Variants in CELSR1 observed in about 807,000 individuals in gnomAD.
CELSR1 encodes cadherin EGF LAG seven-pass G-type receptor 1.
A neutral mutation model predicts 249.1 loss-of-function variants in CELSR1; 110 were observed. The ratio of observed to expected loss-of-function variants is 0.44; its 90% CI spans 0.38 to 0.52. CELSR1 has a LOEUF of 0.52. Among genes scored for constraint, CELSR1 ranks in the 20% least tolerant of loss-of-function variants. CELSR1 has a pLI of 0.00. For missense variants in CELSR1, 4,109 were observed against 4,296.4 expected (o/e 0.96, Z 1.22); for synonymous variants, 2,113 against 1,900.0 (o/e 1.11, Z -2.92).
At chr22:46,502,522 G>C (rs2080477056) in intron 1 of CELSR1, among the ~76,000 whole-genome samples, 1 of 151,562 alleles carries the variant, frequency 6.6e-6, no homozygotes, top group Admixed American at 6.6e-5. Context: ...GGGAGGGAAA[G>C]ACGCAGAAAA....
At position 46,409,940 on chromosome 22, in the gene CELSR1, G is replaced by A. The variant is rs1377844363; in HGVS notation, c.4934-60C>T. The A allele has an allele frequency of 4.4e-6, 7 of 1,597,388 alleles. No homozygotes were observed. The highest frequency in any genetic ancestry group is 3.3e-5 in the South Asian group (3 of 90,612). On this transcript the variant is annotated intron_variant, in intron 7 of 34. Coordinates refer to ENST00000674500, the MANE Select transcript of CELSR1 (RefSeq NM_001378328.1). The surrounding 1 kb of genome is among the most constrained non-coding windows in gnomAD (Gnocchi z 9.8). ...GGAGGAACCGCCCGGGGTCCCCGGC[G>A]CCAGACGTGGCGTGGGAAACCAGGA...
intron 19 of CELSR1, among the ~76,000 whole-genome samples, 188 bp from the exon 20 acceptor site, chr22:46,384,874 C>G (rs1445767029): frequency 7.1e-6 from 1 of 140,236 alleles, no homozygotes; most frequent in East Asian, 1.9e-4. Context: ...ACTGCAACCT[C>G]CGCCTCCCAG....
intron 2 of CELSR1, among the ~76,000 whole-genome samples, chr22:46,444,432 C>A (rs1209360644): frequency 6.6e-6 from 1 of 152,222 alleles, no homozygotes; most frequent in Non-Finnish European, 1.5e-5. Flanking sequence ...GGCACCTCTG[C>A]AGGGACCAGA....
chr22:46,381,046 A>T lies in CELSR1; in HGVS notation c.7089-91T>A. The T allele has an allele frequency of 7.4e-7, 1 of 1,343,078 alleles. No homozygotes were observed. Among genetic ancestry groups the T allele is most frequent in the Non-Finnish European group, 1.0e-6 (1 of 970,406 alleles). The allele number at this position is 1,343,078 out of a possible 1,614,324, so 83.2% of individuals were successfully genotyped here. A position where few individuals can be genotyped will look rare whatever the true frequency, so the allele number is the denominator to read the frequency against. ...ACAAATGCCCTGAGGACACGCCATG[A>T]TGTGTTTCTAGGGGAGACAGAATCA... On this transcript the variant is annotated intron_variant, in intron 21 of 34. Coordinates refer to ENST00000674500, the MANE Select transcript of CELSR1 (RefSeq NM_001378328.1). The surrounding 1 kb of genome is among the most constrained non-coding windows in gnomAD (Gnocchi z 6.0).
At chr22:46,442,228 G>C (rs1490416196) in intron 2 of CELSR1, among the ~76,000 whole-genome samples, 1 of 152,268 alleles carries the variant, frequency 6.6e-6, no homozygotes, top group Non-Finnish European at 1.5e-5. Flanking sequence ...TTCCCCTCCA[G>C]GACGGGGCTC....
chr22:46,373,495 G>A (rs1331135802), intron 24 of CELSR1, among the ~76,000 whole-genome samples: 2 of 141,524 alleles, frequency 1.4e-5, no homozygotes, highest in African/African-American at 2.6e-5. Flanking sequence ...GGTGGGGGGG[G>A]CAGCTTCACG....
intron 5 of CELSR1, among the ~76,000 whole-genome samples, chr22:46,422,887 C>T (rs947923428): frequency 1.2e-4 from 18 of 152,170 alleles, no homozygotes; most frequent in African/African-American, 4.3e-4. Context: ...AACACGAAAT[C>T]CACCTCACTT....
rs747002409 is a variant in CELSR1 at position 46,533,940 on chromosome 22, C to T, written c.3231G>A (p.Thr1077=). 53 of 1,613,030 alleles carry T rather than the reference C, an allele frequency of 3.3e-5. No homozygotes were observed. In the East Asian group the frequency reaches 4.0e-4, roughly 12 times the overall value. The change falls in exon 1 of 35, where the codon ACG becomes ACA. Residue 1077 remains threonine (T), a synonymous_variant. Coordinates refer to ENST00000674500, the MANE Select transcript of CELSR1 (RefSeq NM_001378328.1). ...TGGCTCGGCTCACCAGCGGAGCCGA[C>T]GTGGCCTGCACCACCAGCACATACT... ...RREYVLVVQA[T]SAPLVSRATV... is the part of the protein sequence containing the mutation.
At chr22:46,524,625 G>A (rs949464678) in intron 1 of CELSR1, among the ~76,000 whole-genome samples, 6 of 151,930 alleles carry the variant, frequency 3.9e-5, no homozygotes, top group African/African-American at 1.5e-4. Context: ...CTTCATCCAG[G>A]ACAAGAGAAC....
chr22:46,377,479 G>A, intron 23 of CELSR1: 1 of 580,680 alleles, frequency 1.7e-6, no homozygotes, highest in Non-Finnish European at 3.1e-6. Context: ...CCTGGGGCCT[G>A]CGGCAGCACG....
chr22:46,533,794 C>T lies in CELSR1; in HGVS notation c.3377G>A (p.Cys1126Tyr), dbSNP rs774178984. 63 of 1,613,582 alleles carry T rather than the reference C, an allele frequency of 3.9e-5. 1 individual carries two copies. The East Asian group carries it at 1.3e-3, about 34-fold the overall frequency. Reference protein sequence around the residue: ...SNSFPTGVIGCIPAHDPDVSD... With the variant: ...SNSFPTGVIGYIPAHDPDVSD... The stretch of plus-strand genomic sequence containing the variant: ...CACGTCGGGGTCATGGGCCGGGATG[C>T]AGCCGATCACGCCGGTGGGGAAACT... The change falls in exon 1 of 35, where the codon TGC becomes TAC. Residue 1126 changes from cysteine to tyrosine, a missense_variant. Transcript: ENST00000674500.
At position 46,417,058 on chromosome 22, in the gene CELSR1, G is replaced by T. The variant is rs1381809658; in HGVS notation, c.4612-5299C>A. Among the ~76,000 whole-genome samples the T allele has an allele frequency of 1.3e-5, 2 of 152,148 alleles. No homozygotes were observed. The highest frequency in any genetic ancestry group is 4.8e-5 in the African/African-American group (2 of 41,422). ...ATGATTAACCAACGTTCATATCAAA[G>T]AATTCACAGATGGCTGGACCTCAGG... is the stretch of plus-strand genomic sequence containing the variant. On this transcript the variant is annotated intron_variant, in intron 5 of 34. Coordinates refer to ENST00000674500, the MANE Select transcript of CELSR1 (RefSeq NM_001378328.1). The surrounding 1 kb of genome is among the most constrained non-coding windows in gnomAD (Gnocchi z 4.1).
intron 20 of CELSR1, among the ~76,000 whole-genome samples, chr22:46,382,892 G>A (rs2078994369): frequency 6.6e-6 from 1 of 152,218 alleles, no homozygotes. Flanking sequence ...GGGCTGGGGA[G>A]GAGAGTTAGT....
Position 46,490,882 on chromosome 22 carries a change from G to A in CELSR1, c.3545-26537C>T, listed in dbSNP as rs1479953066. Among the ~76,000 whole-genome samples, 5 of 152,180 alleles carry A rather than the reference G, an allele frequency of 3.3e-5. No homozygotes were observed. Among genetic ancestry groups the A allele is most frequent in the East Asian group, 3.9e-4 (2 of 5,176 alleles). On this transcript the variant is annotated intron_variant, in intron 1 of 34. Coordinates refer to ENST00000674500, the MANE Select transcript of CELSR1 (RefSeq NM_001378328.1). The surrounding 1 kb of genome is among the most constrained non-coding windows in gnomAD (Gnocchi z 5.2). ...GTCCAAATGGCCAGGTGTCATTTTC[G>A]CTGCTCTACAGACCAGGCCTCAGAG...
chr22:46,434,423 C>A lies in CELSR1; in HGVS notation c.4523-942G>T, dbSNP rs769627168. On this transcript the variant is annotated intron_variant, in intron 4 of 34. Coordinates refer to ENST00000674500, the MANE Select transcript of CELSR1 (RefSeq NM_001378328.1). This position sits in a 1 kb window ranked among gnomAD's most constrained non-coding sequence, Gnocchi z 4.9. ...GCAGAGAATACCGTCTCCAGGGAAC[C>A]AGCAGGAGTTCTGGAAACGGGTGTG... Among the ~76,000 whole-genome samples, 4 of 152,206 alleles carry A rather than the reference C, an allele frequency of 2.6e-5. No individual in the cohort carries two copies. The highest frequency in any genetic ancestry group is 5.9e-5 in the Non-Finnish European group (4 of 68,040).
chr22:46,450,911 T>C (rs940720945), intron 2 of CELSR1, among the ~76,000 whole-genome samples: 7 of 152,100 alleles, frequency 4.6e-5, no homozygotes, highest in Non-Finnish European at 8.8e-5. Context: ...CTGATGTGAG[T>C]GAAACAGCTC....
chr22:46,464,320 G>A lies in CELSR1; in HGVS notation c.3570C>T (p.Phe1190=). The change falls in exon 2 of 35, where the codon TTC becomes TTT. Residue 1190 remains phenylalanine, a synonymous_variant. Transcript: ENST00000674500. This position sits in a 1 kb window ranked among gnomAD's most constrained non-coding sequence, Gnocchi z 8.5. ...VSDGIHSVTA[F]CTLRVTIITD... ...TGATGATGGTGACACGCAGGGTGCA[G>A]AAGGCCGTGACGCTGTGGATGCCAT... 1.9e-6 allele frequency: 3 copies of A among 1,612,310 alleles called. No individual in the cohort carries two copies. The highest frequency in any genetic ancestry group is 1.3e-5 in the African/African-American group (1 of 75,030).
chr22:46,409,484 G>A lies in CELSR1; in HGVS notation c.5059+271C>T, dbSNP rs147643247. Among the ~76,000 whole-genome samples, 3 of 152,262 alleles carry A rather than the reference G, an allele frequency of 2.0e-5. No homozygotes were observed. In the South Asian group the frequency reaches 6.2e-4, roughly 32 times the overall value. On this transcript the variant is annotated intron_variant, in intron 8 of 34. Transcript: ENST00000674500. The surrounding 1 kb of genome is among the most constrained non-coding windows in gnomAD (Gnocchi z 9.8). ...GGCGGGTTCAGGATCCCTGGGCTCC[G>A]TGGCTGGGGTGCTGGGGCTGGGCTC...
intron 2 of CELSR1, among the ~76,000 whole-genome samples, chr22:46,455,222 A>T (rs530740724): frequency 3.3e-5 from 5 of 152,224 alleles, no homozygotes; most frequent in Admixed American, 3.3e-4. Flanking sequence ...CAGTAAGACA[A>T]GAGACTTTTT....
Sources: gnomAD v4.1 joint callset for allele counts (sites outside exome capture counted in the v4.1 genomes callset) on GRCh38, gnomAD v4.1.1 for gene constraint, Gnocchi (gnomAD v3.1) non-coding constraint, MANE v1.5 for transcripts, NCBI Gene and HGNC (gene_info 2026-07-23, HGNC 2026-07-21) for gene names.